PDZD2: variants seen among roughly 807,000 people sequenced by gnomAD.
PDZD2 encodes the protein PDZ domain containing 2, also known as PDZ domain-containing protein 2.
Under a neutral mutation model 220.7 loss-of-function variants are expected in PDZD2, and 90 were observed. The ratio of observed to expected loss-of-function variants is 0.41; its 90% CI spans 0.34 to 0.49. The LOEUF (loss-of-function observed/expected upper bound fraction) is 0.49, where lower values mean the gene tolerates loss of function less well. PDZD2 is among the 20% of genes least tolerant of loss of function. The probability of loss-of-function intolerance (pLI) is 0.28; values close to 1 mark genes in which losing one functional copy is unlikely to be tolerated. For synonymous variants in PDZD2, 1,375 were observed against 1,450.5 expected (o/e 0.95, Z 1.18); for missense variants, 3,174 against 3,608.5 (o/e 0.88, Z 3.08).
At chr5:31,697,445 AGAGT>A (rs1245696711) in intron 1 of PDZD2, among the ~76,000 whole-genome samples, 3 of 152,236 alleles carry the variant, frequency 2.0e-5, no homozygotes, top group African/African-American at 7.2e-5. Context: ...CCTGGGTAAC[AGAGT>A]GAGACTCCAT....
At chr5:32,097,202 GC>G (rs1347579406) in intron 21 of PDZD2, 76 bp from the exon 22 acceptor site, 16 of 914,522 alleles carry the variant, frequency 1.7e-5, no homozygotes, top group Non-Finnish European at 2.7e-5. Flanking sequence ...CTTACTCCTG[GC>G]CCAAGGGGAT....
At chr5:31,870,540 G>A (rs1471341029) in intron 2 of PDZD2, among the ~76,000 whole-genome samples, 1 of 152,190 alleles carries the variant, frequency 6.6e-6, no homozygotes, top group Non-Finnish European at 1.5e-5. Flanking sequence ...TGACCTCACA[G>A]TAGCAAGTGT....
At chr5:31,756,936 T>C (rs529784724) in intron 1 of PDZD2, among the ~76,000 whole-genome samples, 78 of 152,320 alleles carry the variant, frequency 5.1e-4, no homozygotes, top group Non-Finnish European at 5.0e-4. Context: ...ACTATATACA[T>C]TTTGGAATTT....
At chr5:31,691,422 C>G (rs932867417) in intron 1 of PDZD2, among the ~76,000 whole-genome samples, 2 of 152,098 alleles carry the variant, frequency 1.3e-5, no homozygotes, top group Non-Finnish European at 2.9e-5. Context: ...GAAGGGGGCC[C>G]GAACAGGTTG....
At chr5:31,871,479 TCTCG>T (rs1738786207) in intron 2 of PDZD2, among the ~76,000 whole-genome samples, 1 of 152,222 alleles carries the variant, frequency 6.6e-6, no homozygotes. Context: ...GTTGAGACAG[TCTCG>T]CTCTGTCATC....
chr5:31,692,280 G>A (rs1423993245), intron 1 of PDZD2, among the ~76,000 whole-genome samples: 8 of 152,192 alleles, frequency 5.3e-5, no homozygotes, highest in African/African-American at 1.7e-4. Flanking sequence ...CGGAGCCTAC[G>A]CCCACTCGGA....
intron 2 of PDZD2, among the ~76,000 whole-genome samples, chr5:31,911,105 T>C (rs540888308): frequency 3.6e-4 from 55 of 152,294 alleles, no homozygotes; most frequent in Non-Finnish European, 7.4e-4. Flanking sequence ...TCCTCTTTTA[T>C]AATAATGTTA....
chr5:31,783,937 T>C (rs1403088997), intron 1 of PDZD2, among the ~76,000 whole-genome samples: 4 of 152,268 alleles, frequency 2.6e-5, no homozygotes, highest in Middle Eastern at 3.4e-3. Flanking sequence ...CATGGACACA[T>C]AGTGCTCTGA....
chr5:31,915,837 A>G (rs554989488), intron 2 of PDZD2, among the ~76,000 whole-genome samples: 1 of 152,304 alleles, frequency 6.6e-6, no homozygotes, highest in South Asian at 2.1e-4. Context: ...CCATGGGGAA[A>G]AACTTCCTTT....
chr5:31,992,485 G>A (rs887239054), intron 3 of PDZD2, among the ~76,000 whole-genome samples: 32 of 151,936 alleles, frequency 2.1e-4, no homozygotes, highest in African/African-American at 6.8e-4. Flanking sequence ...CATGAACATC[G>A]TTTTGCATGT....
chr5:32,022,193 GTT>G (rs57252714), intron 6 of PDZD2, among the ~76,000 whole-genome samples: 4 of 141,316 alleles, frequency 2.8e-5, no homozygotes, highest in African/African-American at 1.1e-4. Context: ...TTGTTTTTTT[GTT>G]TTTTGTTTTT....
intron 2 of PDZD2, among the ~76,000 whole-genome samples, chr5:31,811,772 T>A (rs965524139): frequency 6.6e-6 from 1 of 151,954 alleles, no homozygotes; most frequent in Non-Finnish European, 1.5e-5. Flanking sequence ...GGTGGATCAC[T>A]TGAGGTCAGG....
intron 2 of PDZD2, among the ~76,000 whole-genome samples, chr5:31,808,137 G>T (rs1754847591): frequency 6.6e-6 from 1 of 152,296 alleles, no homozygotes. Context: ...AGTCTCTGGG[G>T]CCATTTAGCA....
intron 1 of PDZD2, chr5:31,726,001 G>A: frequency 2.2e-6 from 1 of 461,488 alleles, no homozygotes; most frequent in East Asian, 4.0e-5. Flanking sequence ...GGTCTTCCCT[G>A]CAGATGCATA....
intron 3 of PDZD2, among the ~76,000 whole-genome samples, chr5:31,992,340 T>C (rs184951860): frequency 3.3e-5 from 5 of 152,314 alleles, no homozygotes; most frequent in Non-Finnish European, 7.3e-5. Flanking sequence ...TTGCATGACT[T>C]TATTTTTAAC....
At chr5:31,890,911 T>C (rs1481108712) in intron 2 of PDZD2, among the ~76,000 whole-genome samples, 1 of 152,088 alleles carries the variant, frequency 6.6e-6, no homozygotes, top group Non-Finnish European at 1.5e-5. Flanking sequence ...TTTCATACCC[T>C]GTAAAAAGGC....
At chr5:32,057,046 G>C (rs1166451292) in intron 10 of PDZD2, among the ~76,000 whole-genome samples, 1 of 152,048 alleles carries the variant, frequency 6.6e-6, no homozygotes, top group Non-Finnish European at 1.5e-5. Context: ...GTGAGCTGAG[G>C]TCACGCCACC....
At chr5:31,730,173 C>T (rs1221575739) in intron 1 of PDZD2, among the ~76,000 whole-genome samples, 1 of 152,152 alleles carries the variant, frequency 6.6e-6, no homozygotes, top group African/African-American at 2.4e-5. Flanking sequence ...TTTCCTGACT[C>T]CTATGTACTT....
intron 1 of PDZD2, among the ~76,000 whole-genome samples, chr5:31,728,312 C>T (rs1749303042): frequency 1.3e-5 from 2 of 152,124 alleles, no homozygotes; most frequent in South Asian, 2.1e-4. Flanking sequence ...ATCACACACA[C>T]ACCCCTTGAG....
Sources: gnomAD v4.1 joint callset for allele counts (sites outside exome capture counted in the v4.1 genomes callset) on GRCh38, gnomAD v4.1.1 for gene constraint, MANE v1.5 for transcripts, NCBI Gene and HGNC (gene_info 2026-07-23, HGNC 2026-07-21) for gene names.